Variants in CACNA1E observed in about 807,000 individuals in gnomAD.
CACNA1E encodes voltage-dependent R-type calcium channel subunit alpha-1E.
A neutral mutation model predicts 259.2 loss-of-function variants in CACNA1E; 40 were observed. That is an observed-to-expected ratio of 0.15 (90% CI 0.12 to 0.20). CACNA1E has a LOEUF of 0.20. CACNA1E is among the 10% of genes least tolerant of loss of function. The pLI is 1.00. For missense variants in CACNA1E, 1,874 were observed against 3,040.1 expected, an observed-to-expected ratio of 0.62 and a Z score of 9.02; for synonymous variants, 1,104 against 1,138.5, an observed-to-expected ratio of 0.97 and a Z score of 0.61.
At chr1:181,646,448 A>G (rs955390684) in intron 6 of CACNA1E, among the ~76,000 whole-genome samples, 3 of 152,126 alleles carry the variant, frequency 2.0e-5, no homozygotes, top group African/African-American at 7.2e-5. Flanking sequence ...CAGCCTCTGG[A>G]GCAGGTGTTC....
intron 2 of CACNA1E, among the ~76,000 whole-genome samples, chr1:181,454,365 GA>G (rs1211738065): frequency 6.6e-6 from 1 of 152,192 alleles, no homozygotes; most frequent in Non-Finnish European, 1.5e-5. Context: ...AAATGGAAGT[GA>G]AAAATCACAA....
intron 3 of CACNA1E, among the ~76,000 whole-genome samples, chr1:181,514,945 C>T (rs538062207): frequency 2.6e-5 from 4 of 152,254 alleles, no homozygotes; most frequent in East Asian, 1.9e-4. Flanking sequence ...ATAGAAAAGA[C>T]CTTGCTAGCC....
At chr1:181,674,394 C>CAAAAAA (rs10711497) in intron 7 of CACNA1E, among the ~76,000 whole-genome samples, 7 of 43,586 alleles carry the variant, frequency 1.6e-4, no homozygotes, top group Non-Finnish European at 2.5e-4. Flanking sequence ...GACTCCATCT[C>CAAAAAA]AAAAAAAAAA....
chr1:181,794,117 C>T (rs917421160), intron 45 of CACNA1E, among the ~76,000 whole-genome samples: 4 of 152,174 alleles, frequency 2.6e-5, no homozygotes, highest in African/African-American at 9.7e-5. Context: ...TTTCCTGACT[C>T]CTCCAGCACA....
At chr1:181,418,051 T>C (rs1658417042) in intron 2 of CACNA1E, among the ~76,000 whole-genome samples, 1 of 152,224 alleles carries the variant, frequency 6.6e-6, no homozygotes, top group Non-Finnish European at 1.5e-5. Flanking sequence ...CATGGTGACA[T>C]TGGCCTTCCC....
intron 7 of CACNA1E, among the ~76,000 whole-genome samples, chr1:181,708,152 G>A (rs541331432): frequency 6.6e-6 from 1 of 152,298 alleles, no homozygotes; most frequent in Non-Finnish European, 1.5e-5. Context: ...GTGGTGGGCT[G>A]TAGGCAGGCA....
At chr1:181,569,882 ACT>A (rs2102930956) in intron 3 of CACNA1E, among the ~76,000 whole-genome samples, 1 of 152,164 alleles carries the variant, frequency 6.6e-6, no homozygotes, top group East Asian at 1.9e-4. Flanking sequence ...CGAGGATCTA[ACT>A]CATTAATGAT....
At chr1:181,681,704 G>A (rs1168683746) in intron 7 of CACNA1E, among the ~76,000 whole-genome samples, 1 of 152,186 alleles carries the variant, frequency 6.6e-6, no homozygotes, top group Non-Finnish European at 1.5e-5. Flanking sequence ...AACCAGACAA[G>A]GATCTGAATG....
At chr1:181,502,491 G>C (rs1665334301) in intron 1 of CACNA1E, among the ~76,000 whole-genome samples, 1 of 152,112 alleles carries the variant, frequency 6.6e-6, no homozygotes, top group African/African-American at 2.4e-5. Context: ...AAGACTCCTT[G>C]CACCATAGCT....
At chr1:181,765,677 C>G (rs1408413796) in intron 34 of CACNA1E, among the ~76,000 whole-genome samples, 1 of 152,182 alleles carries the variant, frequency 6.6e-6, no homozygotes, top group African/African-American at 2.4e-5. Context: ...AGGGTGGAGA[C>G]TCCTCGTAGC....
chr1:181,646,434 C>T (rs1658270514), intron 6 of CACNA1E, among the ~76,000 whole-genome samples: 1 of 152,192 alleles, frequency 6.6e-6, no homozygotes, highest in Non-Finnish European at 1.5e-5. Flanking sequence ...GCAGGTGCTG[C>T]TGACAGCCTC....
chr1:181,403,413 C>T (rs1353412398), intron 1 of CACNA1E, among the ~76,000 whole-genome samples: 1 of 151,758 alleles, frequency 6.6e-6, no homozygotes, highest in African/African-American at 2.4e-5. Context: ...ACATATAACC[C>T]AATTGCACTG....
At position 181,641,737 on chromosome 1, in the gene CACNA1E, A is replaced by G. The variant is rs189509445; in HGVS notation, c.952-9601A>G. Among the ~76,000 whole-genome samples, 339 of 112,728 alleles carry G rather than the reference A, an allele frequency of 3.0e-3. 1 individual carries two copies. The highest frequency in any genetic ancestry group is 0.012 in the African/African-American group (323 of 26,192). The allele number at this position is 112,728 out of a possible 152,430, so 74.0% of individuals were successfully genotyped here. Reference sequence around the variant, plus strand: ...TTTTTTTTTTTTTTTTTTTTGAGACAGAGTCTCGCTCTGTCACCCAGGCTG... The same window carrying G: ...TTTTTTTTTTTTTTTTTTTTGAGACGGAGTCTCGCTCTGTCACCCAGGCTG... On this transcript the variant is annotated intron_variant, in intron 6 of 47. Coordinates refer to ENST00000367573, the MANE Select transcript of CACNA1E (RefSeq NM_001205293.3).
At chr1:181,585,740 G>T (rs570823007) in intron 6 of CACNA1E, among the ~76,000 whole-genome samples, 1 of 152,218 alleles carries the variant, frequency 6.6e-6, no homozygotes, top group Non-Finnish European at 1.5e-5. Flanking sequence ...AGCTGGGCCA[G>T]CAAGTGCAGA....
At position 181,569,147 on chromosome 1, in the gene CACNA1E, T is replaced by C. The variant is rs553211647; in HGVS notation, c.513-8619T>C. Among the ~76,000 whole-genome samples the C allele has an allele frequency of 1.1e-3, 170 of 152,352 alleles. 2 individuals are homozygous for C. Among genetic ancestry groups the C allele is most frequent in the African/African-American group, 3.9e-3 (162 of 41,584 alleles). On this transcript the variant is annotated intron_variant, in intron 3 of 47. Transcript: ENST00000367573. ...TTCCCTGACCTTTCGCTTATCATAATTGAGACCTATTTAATGTATGTCTCT... is the reference window on the plus strand; with the variant it reads ...TTCCCTGACCTTTCGCTTATCATAACTGAGACCTATTTAATGTATGTCTCT...
intron 27 of CACNA1E, among the ~76,000 whole-genome samples, chr1:181,752,893 G>C (rs148925027): frequency 3.9e-5 from 6 of 152,046 alleles, no homozygotes; most frequent in Non-Finnish European, 8.8e-5. Context: ...CACCTTCCAC[G>C]AGTCTCCCTG....
chr1:181,523,944 T>C lies in CACNA1E; in HGVS notation c.512+12434T>C, dbSNP rs1667167634. Reference sequence around the variant, plus strand: ...CAGTCTAATTGGAGTTCACGAGATATATGGCCCGTGTTTGATTTTTGGTAT... The same window carrying C: ...CAGTCTAATTGGAGTTCACGAGATACATGGCCCGTGTTTGATTTTTGGTAT... On this transcript the variant is annotated intron_variant, in intron 3 of 47. Transcript: ENST00000367573. Among the ~76,000 whole-genome samples, 11 of 152,356 alleles carry C rather than the reference T, an allele frequency of 7.2e-5. 1 individual carries two copies. In the South Asian group the frequency reaches 1.9e-3, roughly 26 times the overall value.
At chr1:181,577,369 C>G (rs1245013959) in intron 3 of CACNA1E, among the ~76,000 whole-genome samples, 1 of 152,028 alleles carries the variant, frequency 6.6e-6, no homozygotes, top group Non-Finnish European at 1.5e-5. Context: ...AGGAGATAGA[C>G]AGGGGAACCT....
chr1:181,720,467 C>G, intron 14 of CACNA1E, 130 bp downstream of exon 14: 1 of 953,184 alleles, frequency 1.0e-6, no homozygotes. Flanking sequence ...GAATTAACCA[C>G]TGAGTGAGTT....
Sources: allele counts gnomAD v4.1 joint callset (sites outside exome capture counted in the v4.1 genomes callset), GRCh38; gene constraint gnomAD v4.1.1; transcripts MANE v1.5; gene names NCBI Gene and HGNC (gene_info 2026-07-23, HGNC 2026-07-21).